The following MS4A4E variants were observed in gnomAD, a reference collection of about 807,000 sequenced individuals.
The protein encoded by MS4A4E is putative membrane-spanning 4-domains subfamily A member 4E.
MS4A4E carries 23 observed loss-of-function variants against 13.3 expected under a neutral mutation model. That is an observed-to-expected ratio of 1.73 (90% confidence interval 1.25 to 2.45). The LOEUF (loss-of-function observed/expected upper bound fraction) is 2.45. MS4A4E is among the 30% of genes most tolerant of loss of function. MS4A4E has a pLI of 0.00. For synonymous variants in MS4A4E, 36 were observed against 45.6 expected (o/e 0.79, Z 0.85); for missense variants, 144 against 131.2 (o/e 1.10, Z -0.48).
rs1253432186 is a variant in MS4A4E, at chr11:60,201,371, G to A, written c.*172C>T. ...TTCCCAGACGGGGTGGCTGCCGGGC[G>A]GAGGGGCTCCTCACTTCTCAGACGG... On this transcript the variant is annotated 3_prime_UTR_variant, in exon 9 of 9. Transcript: ENST00000651255. 24 of 178,476 alleles carry A rather than the reference G, an allele frequency of 1.3e-4. No homozygotes were observed. Among genetic ancestry groups the A allele is most frequent in the African/African-American group, 4.7e-4 (19 of 40,474 alleles). The allele number at this position is 178,476 out of a possible 1,614,324, so 11.1% of individuals were successfully genotyped here.
chr11:60,205,942 G>T (rs923606734), intron 6 of MS4A4E, among the ~76,000 whole-genome samples, 122 bp from the exon 7 acceptor site: 2 of 152,194 alleles, frequency 1.3e-5, no homozygotes, highest in Admixed American at 6.5e-5. Context: ...GAAGGTGGGG[G>T]AAGGGAGAGG....
chr11:60,238,042 A>G (rs761078820), intron 1 of MS4A4E, among the ~76,000 whole-genome samples: 3 of 151,438 alleles, frequency 2.0e-5, no homozygotes, highest in Non-Finnish European at 4.4e-5. Context: ...CTTTGTCCTC[A>G]TATATAATCT....
At chr11:60,213,477 TTGCCTCTCA>T (rs1255265902) in intron 4 of MS4A4E, 76 of 584,552 alleles carry the variant, frequency 1.3e-4, no homozygotes, top group African/African-American at 1.1e-3. Context: ...TAAACACTGC[TTGCCTCTCA>T]TGCCTCTCTA....
At chr11:60,212,638 G>A (rs1360299783) in intron 5 of MS4A4E, among the ~76,000 whole-genome samples, 1 of 152,122 alleles carries the variant, frequency 6.6e-6, no homozygotes, top group Non-Finnish European at 1.5e-5. Flanking sequence ...CATTTTTAGA[G>A]GGGTCTGGAG....
rs184909761 is a variant in MS4A4E at position 60,201,268 on chromosome 11, T to A, written c.*275A>T. ...TGACCCCCCCCACCTCCCTCCCGGA[T>A]GGGGCAGCTGGCCTGGCGGGGGCTG... On this transcript the variant is annotated 3_prime_UTR_variant, in exon 9 of 9. Transcript: ENST00000651255. 7.3e-6 allele frequency: 1 copy of A among 136,298 alleles called. No individual in the cohort carries two copies. Among genetic ancestry groups the A allele is most frequent in the Non-Finnish European group, 1.5e-5 (1 of 65,666 alleles). 8.4% of individuals were successfully genotyped at this position (136,298 alleles called of 1,614,324 possible).
intron 3 of MS4A4E, among the ~76,000 whole-genome samples, chr11:60,217,641 C>G (rs528895762): frequency 1.3e-5 from 2 of 152,244 alleles, no homozygotes; most frequent in East Asian, 1.9e-4. Flanking sequence ...TATGAGTTCC[C>G]CAAATTAATA....
chr11:60,227,589 A>G (rs991184820), intron 3 of MS4A4E, among the ~76,000 whole-genome samples: 1 of 152,086 alleles, frequency 6.6e-6, no homozygotes, highest in Non-Finnish European at 1.5e-5. Flanking sequence ...ATTTGTGTAT[A>G]TTGATAAACT....
At chr11:60,227,274 G>A (rs965575475) in intron 3 of MS4A4E, among the ~76,000 whole-genome samples, 21 of 152,232 alleles carry the variant, frequency 1.4e-4, no homozygotes, top group African/African-American at 2.6e-4. Context: ...GCAAATGGCC[G>A]GGCGTGGTGG....
chr11:60,235,269 T>C (rs1565129568), intron 1 of MS4A4E, among the ~76,000 whole-genome samples: 1 of 152,202 alleles, frequency 6.6e-6, no homozygotes, highest in Non-Finnish European at 1.5e-5. Flanking sequence ...ATTTTTGTGC[T>C]TTTTGTAGAG....
intron 1 of MS4A4E, among the ~76,000 whole-genome samples, chr11:60,237,860 A>G (rs569425651): frequency 6.6e-6 from 1 of 152,136 alleles, no homozygotes; most frequent in South Asian, 2.1e-4. Flanking sequence ...ATTCCATTCT[A>G]TTCGTCATTG....
Position 60,228,596 on chromosome 11 carries a change from G to A in MS4A4E, c.176C>T (p.Ser59Leu), listed in dbSNP as rs574522452. Residue 59 changes from serine to leucine, a missense_variant and splice_region_variant, in exon 3 of 9, where the codon TCG (serine) becomes TTG (leucine). Coordinates refer to ENST00000651255, the MANE Select transcript of MS4A4E (RefSeq NM_001393391.1). ...TACAATATAGTAATCATACTTACCCGAATGAGTTGAAAACTTATGTCCACA... is the reference window on the plus strand; with the variant it reads ...TACAATATAGTAATCATACTTACCCAAATGAGTTGAAAACTTATGTCCACA... ...VLCGHKFSTH[S>L]VSLSVAAGIR... 4.7e-5 allele frequency: 33 copies of A among 697,828 alleles called. No homozygotes were observed. The highest frequency in any genetic ancestry group is 2.6e-4 in the Admixed American group (13 of 49,428). The allele number at this position is 697,828 out of a possible 1,614,324, so 43.2% of individuals were successfully genotyped here. A position where few individuals can be genotyped will look rare whatever the true frequency, so the allele number is the denominator to read the frequency against.
At chr11:60,228,729 T>C in intron 2 of MS4A4E, 102 bp from the exon 3 acceptor site, 1 of 562,362 alleles carries the variant, frequency 1.8e-6, no homozygotes. Context: ...CTGTGGTACC[T>C]CTAGACAATG....
chr11:60,208,330 T>C (rs904069693), intron 6 of MS4A4E, among the ~76,000 whole-genome samples: 4 of 152,178 alleles, frequency 2.6e-5, no homozygotes, highest in Non-Finnish European at 5.9e-5. Flanking sequence ...TCATGAGTCC[T>C]CAACTTAAAG....
intron 7 of MS4A4E, among the ~76,000 whole-genome samples, chr11:60,205,282 A>T (rs1390402455): frequency 6.6e-6 from 1 of 152,208 alleles, no homozygotes; most frequent in Non-Finnish European, 1.5e-5. Flanking sequence ...TGATTGTTTT[A>T]TGTTAATCTG....
At chr11:60,206,458 T>A (rs1409259650) in intron 6 of MS4A4E, among the ~76,000 whole-genome samples, 5 of 82,412 alleles carry the variant, frequency 6.1e-5, no homozygotes, top group Non-Finnish European at 1.2e-4. Context: ...AAATTTTGAA[T>A]ATATACACAC....
chr11:60,219,926 C>T (rs2084246800), intron 3 of MS4A4E, among the ~76,000 whole-genome samples: 1 of 151,876 alleles, frequency 6.6e-6, no homozygotes, highest in Admixed American at 6.6e-5. Flanking sequence ...AGTGGGTCCC[C>T]ACACTCATCC....
At chr11:60,234,183 C>T (rs2084451035) in intron 1 of MS4A4E, among the ~76,000 whole-genome samples, 1 of 152,170 alleles carries the variant, frequency 6.6e-6, no homozygotes, top group Admixed American at 6.5e-5. Context: ...CATTTGCCTC[C>T]AGATAAGTCA....
intron 1 of MS4A4E, among the ~76,000 whole-genome samples, chr11:60,231,975 ATAAAG>A (rs1565127981): frequency 1.8e-5 from 1 of 55,300 alleles, no homozygotes; most frequent in East Asian, 5.6e-4. Flanking sequence ...AAAGTTAAAG[ATAAAG>A]TGCAAAAAGT....
Position 60,214,201 on chromosome 11 carries a change from C to T in MS4A4E, c.222+370G>A, listed in dbSNP as rs191161971. 6.6e-5 allele frequency among the ~76,000 whole-genome samples: 10 copies of T among 152,234 alleles called. No homozygotes were observed. The East Asian group carries it at 7.7e-4, about 12-fold the overall frequency. On this transcript the variant is annotated intron_variant, in intron 4 of 8. Transcript: ENST00000651255. Reference sequence around the variant, plus strand: ...GATTACAGGCATGAGCCACCGCGCCCGGCCAGAATCTACCTTTTAATCAAT... The same window carrying T: ...GATTACAGGCATGAGCCACCGCGCCTGGCCAGAATCTACCTTTTAATCAAT...
Sources: gnomAD v4.1 joint callset for allele counts (sites outside exome capture counted in the v4.1 genomes callset) on GRCh38, gnomAD v4.1.1 for gene constraint, MANE v1.5 for transcripts, NCBI Gene and HGNC (gene_info 2026-07-23, HGNC 2026-07-21) for gene names.